Variants in EPHA6 observed in about 807,000 individuals in gnomAD.
The protein encoded by EPHA6 is EPH receptor A6.
EPHA6 carries 50 observed loss-of-function variants against 112.0 expected under a neutral mutation model. The observed-to-expected ratio is 0.45, with a 90% CI of 0.36 to 0.56. The LOEUF (loss-of-function observed/expected upper bound fraction) is 0.56. EPHA6 is among the 20% of genes least tolerant of loss of function. The pLI, the probability that EPHA6 is intolerant of heterozygous loss-of-function variation, is 0.00. For missense variants in EPHA6, 1,280 were observed against 1,417.4 expected (o/e 0.90, Z 1.56); for synonymous variants, 529 against 490.7 (o/e 1.08, Z -1.03).
chr3:97,038,463 C>G (rs559582730), intron 3 of EPHA6, among the ~76,000 whole-genome samples: 1 of 152,148 alleles, frequency 6.6e-6, no homozygotes, highest in African/African-American at 2.4e-5. Flanking sequence ...ACAGTTCCAT[C>G]CATGTTGCGG....
chr3:97,272,565 A>T (rs72924470), intron 5 of EPHA6, among the ~76,000 whole-genome samples: 3,757 of 152,074 alleles, frequency 0.025, 159 homozygotes, highest in African/African-American at 0.079. Context: ...AAAGAGAGTC[A>T]GCGAAGGGAG....
intron 2 of EPHA6, among the ~76,000 whole-genome samples, chr3:96,967,682 TTGTGTG>T (rs149291564): frequency 1.3e-5 from 2 of 149,272 alleles, no homozygotes; most frequent in African/African-American, 4.9e-5. Context: ...TGAGTAACAG[TTGTGTG>T]TGTGTGTGTG....
In EPHA6 at chr3:97,164,795, GC is replaced by G. The variant is rs5851055; in HGVS notation, c.1115-61468del. ...TTAATTGTCAGCTTTTATTGGCTCT[GC>G]TTTCATGATGTCACTTACTTATCTT... On this transcript the variant is annotated intron_variant, in intron 3 of 17. Transcript: ENST00000389672. 2.5e-3 allele frequency among the ~76,000 whole-genome samples: 373 copies of G among 151,980 alleles called. 1 individual carries two copies. Among genetic ancestry groups the G allele is most frequent in the African/African-American group, 8.5e-3 (353 of 41,478 alleles).
In EPHA6 at chr3:97,196,133, G is replaced by A. The variant is rs567937911; in HGVS notation, c.1115-30131G>A. On this transcript the variant is annotated intron_variant, in intron 3 of 17. Transcript: ENST00000389672. Reference sequence around the variant, plus strand: ...TAACTCCTAGATTTGCCCTTTTGAGGCTATTTTCTAGATCTCGTAGGCATT... The same window carrying A: ...TAACTCCTAGATTTGCCCTTTTGAGACTATTTTCTAGATCTCGTAGGCATT... Among the ~76,000 whole-genome samples, 9 of 147,940 alleles carry A rather than the reference G, an allele frequency of 6.1e-5. No individual in the cohort carries two copies. In the East Asian group the frequency reaches 1.8e-3, roughly 29 times the overall value.
rs1046819376 is a variant in EPHA6, at chr3:97,032,214, G to A, written c.1114+44221G>A. Among the ~76,000 whole-genome samples, 149 of 151,952 alleles carry A rather than the reference G, an allele frequency of 9.8e-4. 3 individuals are homozygous for A. Among genetic ancestry groups the A allele is most frequent in the African/African-American group, 3.1e-3 (129 of 41,396 alleles). ...TCGCAAGGACAAAAAACCAAACACC[G>A]CGTGTTCTCACTCATAGGTGGGAAT... On this transcript the variant is annotated intron_variant, in intron 3 of 17. Transcript: ENST00000389672.
At chr3:97,440,284 A>T (rs900886991) in intron 6 of EPHA6, among the ~76,000 whole-genome samples, 5 of 152,228 alleles carry the variant, frequency 3.3e-5, no homozygotes, top group African/African-American at 1.2e-4. Flanking sequence ...AATCTGTTGG[A>T]AATATAAGGC....
At chr3:97,584,776 A>C (rs2093472617) in intron 11 of EPHA6, among the ~76,000 whole-genome samples, 1 of 152,216 alleles carries the variant, frequency 6.6e-6, no homozygotes, top group South Asian at 2.1e-4. Context: ...AAGGAGAAGG[A>C]GGAAAATATT....
chr3:97,744,820 T>G (rs112515781), intron 16 of EPHA6, among the ~76,000 whole-genome samples: 383 of 152,100 alleles, frequency 2.5e-3, no homozygotes, highest in African/African-American at 8.3e-3. Context: ...CATCTGACTA[T>G]GTCGGTGCAT....
rs1326227487 is a variant in EPHA6, at chr3:96,857,247, T to C, written c.386-9578T>C. ...GCATTTACTTTATTGCAGAAAGTTC[T>C]GATGATAAACAATTTGACAATAGTA... On this transcript the variant is annotated intron_variant, in intron 1 of 17. Coordinates refer to ENST00000389672, the MANE Select transcript of EPHA6 (RefSeq NM_001080448.3). Among the ~76,000 whole-genome samples the C allele has an allele frequency of 2.0e-5, 3 of 152,184 alleles. No individual in the cohort carries two copies. The East Asian group carries it at 5.8e-4, about 29-fold the overall frequency.
At chr3:97,570,871 C>T (rs1429224472) in intron 11 of EPHA6, among the ~76,000 whole-genome samples, 1 of 152,042 alleles carries the variant, frequency 6.6e-6, no homozygotes, top group Non-Finnish European at 1.5e-5. Context: ...CTTGGATAAG[C>T]TAGAGGTTAA....
intron 5 of EPHA6, among the ~76,000 whole-genome samples, chr3:97,293,041 A>G (rs2080748779): frequency 1.3e-5 from 2 of 151,932 alleles, no homozygotes; most frequent in Non-Finnish European, 2.9e-5. Context: ...TCCAGCTCTC[A>G]GTGGAGAGGA....
chr3:97,696,904 A>G (rs1208207398), intron 14 of EPHA6, among the ~76,000 whole-genome samples: 1 of 152,188 alleles, frequency 6.6e-6, no homozygotes, highest in Non-Finnish European at 1.5e-5. Flanking sequence ...GTCAGTGTGC[A>G]GGCTCTTTGC....
intron 11 of EPHA6, among the ~76,000 whole-genome samples, chr3:97,590,932 C>G (rs1402042914): frequency 6.6e-6 from 1 of 152,168 alleles, no homozygotes; most frequent in Admixed American, 6.5e-5. Context: ...ACATTGCACA[C>G]AGACACATAT....
At chr3:97,438,230 G>C (rs1437066678) in intron 6 of EPHA6, among the ~76,000 whole-genome samples, 1 of 152,092 alleles carries the variant, frequency 6.6e-6, no homozygotes, top group Non-Finnish European at 1.5e-5. Flanking sequence ...AGACAGACGG[G>C]AAAGTTAAAA....
In EPHA6 at chr3:96,962,512, T is replaced by G. The variant is rs137890894; in HGVS notation, c.451-24818T>G. On this transcript the variant is annotated intron_variant, in intron 2 of 17. Coordinates refer to ENST00000389672, the MANE Select transcript of EPHA6 (RefSeq NM_001080448.3). The stretch of plus-strand genomic sequence containing the variant: ...CCCAGTTCTAATACTAAACCCACTT[T>G]TAGACGGCCTAACTAGATAACATTC... Among the ~76,000 whole-genome samples the G allele has an allele frequency of 1.9e-3, 273 of 147,368 alleles. 1 individual carries two copies. The highest frequency in any genetic ancestry group is 0.01 in the Middle Eastern group (3 of 294).
chr3:97,297,945 G>T (rs2080935523), intron 5 of EPHA6, among the ~76,000 whole-genome samples: 1 of 151,942 alleles, frequency 6.6e-6, no homozygotes, highest in African/African-American at 2.4e-5. Context: ...TGTATTTTTA[G>T]TAGAGACAGG....
intron 2 of EPHA6, among the ~76,000 whole-genome samples, chr3:96,951,032 C>T (rs1223757383): frequency 1.3e-5 from 2 of 151,744 alleles, no homozygotes; most frequent in Non-Finnish European, 1.5e-5. Context: ...AACTGATATT[C>T]AGCGTTGGCA....
intron 15 of EPHA6, among the ~76,000 whole-genome samples, chr3:97,728,303 C>A (rs371452409): frequency 2.0e-5 from 3 of 151,668 alleles, no homozygotes; most frequent in African/African-American, 7.3e-5. Context: ...GGCACTAAGT[C>A]TTAAGAACAT....
At chr3:96,929,793 C>T (rs779417376) in intron 2 of EPHA6, among the ~76,000 whole-genome samples, 13 of 152,156 alleles carry the variant, frequency 8.5e-5, no homozygotes, top group Non-Finnish European at 1.5e-4. Flanking sequence ...TGGGGAAGTT[C>T]TCCTGGATGA....
Sources: allele counts gnomAD v4.1 joint callset (sites outside exome capture counted in the v4.1 genomes callset), GRCh38; gene constraint gnomAD v4.1.1; transcripts MANE v1.5; gene names NCBI Gene and HGNC (gene_info 2026-07-23, HGNC 2026-07-21).